The following GNAL variants were observed in gnomAD, a reference collection of about 807,000 sequenced individuals.
The protein encoded by GNAL is guanine nucleotide-binding protein G(olf) subunit alpha.
GNAL carries 18 observed loss-of-function variants against 55.1 expected under a neutral mutation model. The observed-to-expected ratio is 0.33, with a 90% CI of 0.23 to 0.48. The LOEUF (loss-of-function observed/expected upper bound fraction) is 0.48, where lower values mean the gene tolerates loss of function less well. Among genes scored for constraint, GNAL ranks in the 20% least tolerant of loss-of-function variants. The pLI is 0.99. For synonymous variants in GNAL, 253 were observed against 237.0 expected (o/e 1.07, Z -0.62); for missense variants, 412 against 614.1 (o/e 0.67, Z 3.48).
At chr18:11,807,362 G>A (rs1390113513) in intron 4 of GNAL, among the ~76,000 whole-genome samples, 1 of 152,172 alleles carries the variant, frequency 6.6e-6, no homozygotes, top group Non-Finnish European at 1.5e-5. Context: ...AGACCAGATA[G>A]GAGGCTGTGG....
At chr18:11,784,811 C>T (rs187297195) in intron 4 of GNAL, among the ~76,000 whole-genome samples, 46 of 152,090 alleles carry the variant, frequency 3.0e-4, no homozygotes, top group African/African-American at 8.2e-4. Flanking sequence ...ACTGACTGTG[C>T]GTGCTCTGTT....
At position 11,876,642 on chromosome 18, in the gene GNAL, A is replaced by T; in HGVS notation, c.1184A>T (p.Asp395Val). 6.2e-7 allele frequency: 1 copy of T among 1,606,728 alleles called. No individual in the cohort carries two copies. The highest frequency in any genetic ancestry group is 8.5e-7 in the Non-Finnish European group (1 of 1,173,236). ...PEDATPDAGEDPKVTRAKFFI... is the reference protein window; with the variant it reads ...PEDATPDAGEVPKVTRAKFFI... Reference sequence around the variant, plus strand: ...ACAGCAACACCAGATGCAGGAGAAGATCCCAAAGTTACAAGAGCCAAGTTC... The same window carrying T: ...ACAGCAACACCAGATGCAGGAGAAGTTCCCAAAGTTACAAGAGCCAAGTTC... Residue 395 changes from aspartate (D) to valine (V), a missense_variant, in exon 11 of 12, where the codon GAT becomes GTT. Physicochemically the swap from Asp to Val is radical, Grantham distance 152. Coordinates refer to ENST00000334049, the MANE Select transcript of GNAL (RefSeq NM_182978.4).
intron 4 of GNAL, among the ~76,000 whole-genome samples, chr18:11,799,516 AC>A (rs1819134358): frequency 6.6e-6 from 1 of 152,126 alleles, no homozygotes; most frequent in African/African-American, 2.4e-5. Flanking sequence ...CAGCTGACAC[AC>A]CCATAGTTAT....
At chr18:11,836,337 T>A (rs1415200609) in intron 5 of GNAL, among the ~76,000 whole-genome samples, 2 of 151,886 alleles carry the variant, frequency 1.3e-5, no homozygotes, top group African/African-American at 4.8e-5. Context: ...TCCCAGCTAC[T>A]CAGGAGGCTG....
intron 1 of GNAL, among the ~76,000 whole-genome samples, chr18:11,731,951 C>A (rs1194913096): frequency 6.6e-6 from 1 of 152,134 alleles, no homozygotes; most frequent in African/African-American, 2.4e-5. Flanking sequence ...AATATGTGGT[C>A]TTTTGTGACT....
chr18:11,689,647 G>T lies in GNAL; in HGVS notation c.84G>T (p.Glu28Asp). Residue 28 changes from glutamate to aspartate, a missense_variant, in exon 1 of 12, where the codon GAG (glutamate) becomes GAT (aspartate). Glu to Asp is a conservative substitution (Grantham distance 45, BLOSUM62 2). This residue lies in a region of GNAL where 228 missense variants were observed against 194.8 expected (regional missense o/e 1.17). Transcript: ENST00000334049. ...DPCAASEPPV[E>D]DAQPAPAPAL... ...GCGCGGCCTCGGAGCCGCCGGTGGA[G>T]GACGCGCAGCCCGCCCCGGCCCCGG... 4.3e-6 allele frequency: 6 copies of T among 1,396,276 alleles called. No homozygotes were observed. Among genetic ancestry groups the T allele is most frequent in the Non-Finnish European group, 5.5e-6 (6 of 1,082,854 alleles). The allele number at this position is 1,396,276 out of a possible 1,614,324, so 86.5% of individuals were successfully genotyped here.
intron 1 of GNAL, among the ~76,000 whole-genome samples, chr18:11,697,266 G>A (rs547650415): frequency 4.6e-5 from 7 of 151,958 alleles, no homozygotes; most frequent in South Asian, 2.1e-4. Flanking sequence ...GGCCGGGCAC[G>A]GTGGTGCACG....
chr18:11,857,458 G>A (rs2036034223), intron 5 of GNAL: 1 of 984,040 alleles, frequency 1.0e-6, no homozygotes, highest in African/African-American at 1.7e-5. Flanking sequence ...CTGAAGGGGA[G>A]ACTGGACAGA....
rs2036858866 is a variant in GNAL, at chr18:11,884,346, G to C, written c.*3211G>C. ...TGAGAATTTCTGTGCTGTGCAGAGA[G>C]ACGGCCTGTAATTGGTCTCATCATC... On this transcript the variant is annotated 3_prime_UTR_variant, in exon 12 of 12. Coordinates refer to ENST00000334049, the MANE Select transcript of GNAL (RefSeq NM_182978.4). The C allele has an allele frequency of 8.9e-7, 1 of 1,120,816 alleles. No homozygotes were observed. The highest frequency in any genetic ancestry group is 1.5e-5 in the African/African-American group (1 of 64,728). 69.4% of individuals were successfully genotyped at this position (1,120,816 alleles called of 1,614,324 possible).
intron 5 of GNAL, among the ~76,000 whole-genome samples, chr18:11,834,997 G>A (rs73407479): frequency 0.016 from 2,404 of 152,250 alleles, 61 homozygotes; most frequent in African/African-American, 0.055. Flanking sequence ...AACAGGTGCT[G>A]CATTGTCTAC....
chr18:11,794,632 G>A (rs879263183), intron 4 of GNAL, among the ~76,000 whole-genome samples: 1 of 152,052 alleles, frequency 6.6e-6, no homozygotes, highest in Non-Finnish European at 1.5e-5. Flanking sequence ...TTGGACTGAT[G>A]AAAATGCCTT....
At chr18:11,874,375 G>A (rs920217752) in intron 10 of GNAL, 3 of 151,592 alleles carry the variant, frequency 2.0e-5, no homozygotes, top group Admixed American at 1.3e-4. Flanking sequence ...CAGTAATTGT[G>A]CTGACAGAAA....
chr18:11,860,426 G>A (rs2143828393), intron 5 of GNAL, among the ~76,000 whole-genome samples: 1 of 152,272 alleles, frequency 6.6e-6, no homozygotes, highest in African/African-American at 2.4e-5. Flanking sequence ...TCCTAAAATG[G>A]ACCCCTTTTG....
At chr18:11,710,158 G>A (rs530207014) in intron 1 of GNAL, among the ~76,000 whole-genome samples, 56 of 152,206 alleles carry the variant, frequency 3.7e-4, no homozygotes, top group African/African-American at 1.3e-3. Flanking sequence ...AATCCCACTT[G>A]GTCATAGTGC....
chr18:11,766,110 A>C (rs984404016), intron 4 of GNAL, among the ~76,000 whole-genome samples: 1 of 152,208 alleles, frequency 6.6e-6, no homozygotes, highest in Non-Finnish European at 1.5e-5. Context: ...TTAAGACTTA[A>C]ATGAGTCAAC....
In GNAL at chr18:11,868,575, A is replaced by G; in HGVS notation, c.943A>G (p.Ser315Gly). The G allele has an allele frequency of 6.2e-7, 1 of 1,608,898 alleles. No homozygotes were observed. The highest frequency in any genetic ancestry group is 8.5e-7 in the Non-Finnish European group (1 of 1,175,920). ...AGCTATCATTTACGTCGCAGCCTGC[A>G]GTAGCTACAACATGGTGATTCGAGA... ...VTAIIYVAACSSYNMVIREDN... is the reference protein window; with the variant it reads ...VTAIIYVAACGSYNMVIREDN... The change falls in exon 9 of 12, where the codon AGT becomes GGT. Residue 315 changes from serine to glycine, a missense_variant. Around this residue, in one of 5 missense-constraint regions of GNAL, gnomAD observed 53 missense variants for 182.7 expected, o/e 0.29. Coordinates refer to ENST00000334049, the MANE Select transcript of GNAL (RefSeq NM_182978.4). The surrounding 1 kb of genome is among the most constrained non-coding windows in gnomAD (Gnocchi z 4.0).
At chr18:11,789,681 T>G (rs1398126684) in intron 4 of GNAL, among the ~76,000 whole-genome samples, 3 of 152,244 alleles carry the variant, frequency 2.0e-5, no homozygotes, top group Admixed American at 6.5e-5. Context: ...CCTCCTTATA[T>G]TTTATCATCA....
At chr18:11,768,893 CAAAAAAA>C (rs201256718) in intron 4 of GNAL, among the ~76,000 whole-genome samples, 9 of 79,620 alleles carry the variant, frequency 1.1e-4, no homozygotes, top group African/African-American at 2.7e-4. Context: ...GACTCTGTCT[CAAAAAAA>C]AAAAAAAATA....
chr18:11,765,703 G>A (rs1347472253), intron 4 of GNAL, among the ~76,000 whole-genome samples: 3 of 152,148 alleles, frequency 2.0e-5, no homozygotes, highest in African/African-American at 7.2e-5. Context: ...CTAACACAAT[G>A]TTCGTTCTAT....
Sources: allele counts gnomAD v4.1 joint callset (sites outside exome capture counted in the v4.1 genomes callset), GRCh38; gene constraint gnomAD v4.1.1; regional missense constraint gnomAD v4.1.1; non-coding constraint Gnocchi (gnomAD v3.1); transcripts MANE v1.5; gene names NCBI Gene and HGNC (gene_info 2026-07-23, HGNC 2026-07-21).